Variants in NEDD9 observed in about 807,000 individuals in gnomAD.
NEDD9 encodes the protein neural precursor cell expressed, developmentally down-regulated 9, also known as enhancer of filamentation 1.
NEDD9 carries 26 observed loss-of-function variants against 76.6 expected under a neutral mutation model. The ratio of observed to expected loss-of-function variants is 0.34; its 90% CI spans 0.25 to 0.47. NEDD9 has a LOEUF of 0.47. Ranked by LOEUF, NEDD9 falls within the 20% of genes least tolerant of loss-of-function variation. NEDD9 has a pLI of 1.00. For missense variants in NEDD9, 937 were observed against 1,058.5 expected (o/e 0.89, Z 1.59); for synonymous variants, 392 against 414.2 (o/e 0.95, Z 0.65).
intron 1 of NEDD9, among the ~76,000 whole-genome samples, chr6:11,341,938 T>A (rs766070447): frequency 5.3e-5 from 8 of 152,206 alleles, no homozygotes; most frequent in Non-Finnish European, 7.3e-5. Flanking sequence ...ATATATTAAT[T>A]AATTAGAGAC....
intron 3 of NEDD9, among the ~76,000 whole-genome samples, chr6:11,239,181 T>A (rs937816211): frequency 5.1e-4 from 78 of 151,772 alleles, no homozygotes; most frequent in South Asian, 2.1e-4. Context: ...AAAATAAAAA[T>A]AAAAAAAATC....
chr6:11,243,931 C>T (rs1172916555), intron 3 of NEDD9, among the ~76,000 whole-genome samples: 2 of 152,152 alleles, frequency 1.3e-5, no homozygotes, highest in Non-Finnish European at 2.9e-5. Context: ...CCTGGATAGG[C>T]CATGCATGCT....
At chr6:11,353,559 C>T (rs973271747) in intron 1 of NEDD9, among the ~76,000 whole-genome samples, 21 of 152,170 alleles carry the variant, frequency 1.4e-4, no homozygotes, top group African/African-American at 4.8e-4. Flanking sequence ...GACTGCTGGC[C>T]TCCAGAACTG....
intron 2 of NEDD9, among the ~76,000 whole-genome samples, chr6:11,197,472 C>G (rs1372522753): frequency 1.2e-4 from 18 of 152,114 alleles, no homozygotes; most frequent in Non-Finnish European, 5.9e-5. Context: ...TTTTCTGTCC[C>G]TAGGAGGAAT....
At chr6:11,309,010 C>A (rs1386478153) in intron 2 of NEDD9, among the ~76,000 whole-genome samples, 1 of 152,182 alleles carries the variant, frequency 6.6e-6, no homozygotes, top group East Asian at 1.9e-4. Flanking sequence ...TGCCAGTTGT[C>A]TGTTAACGGT....
At chr6:11,359,474 C>T (rs1762638213) in intron 1 of NEDD9, among the ~76,000 whole-genome samples, 1 of 152,256 alleles carries the variant, frequency 6.6e-6, no homozygotes, top group Non-Finnish European at 1.5e-5. Context: ...CCCTATTTCA[C>T]TAGTTAACTT....
chr6:11,194,457 A>G lies in NEDD9; in HGVS notation c.460-765T>C, dbSNP rs1401957193. ...AAATTCCTCTCATGCCTTCCTCAGT[A>G]TGCCTCTTCATTGGACATTATTATG... On this transcript the variant is annotated intron_variant, in intron 2 of 6. Transcript: ENST00000379446. Among the ~76,000 whole-genome samples, 6 of 152,350 alleles carry G rather than the reference A, an allele frequency of 3.9e-5. No individual in the cohort carries two copies. The East Asian group carries it at 1.2e-3, about 29-fold the overall frequency.
At chr6:11,270,427 C>T (rs961127105) in intron 3 of NEDD9, among the ~76,000 whole-genome samples, 8 of 132,322 alleles carry the variant, frequency 6.0e-5, no homozygotes, top group Middle Eastern at 4.3e-3. Context: ...AGAGTGATTT[C>T]TTGCCCCCGG....
chr6:11,263,093 G>T (rs1444095510), intron 3 of NEDD9, among the ~76,000 whole-genome samples: 1 of 152,046 alleles, frequency 6.6e-6, no homozygotes, highest in Admixed American at 6.5e-5. Flanking sequence ...TTGCATTTTT[G>T]GTTTTGTTTG....
intron 2 of NEDD9, among the ~76,000 whole-genome samples, chr6:11,211,226 T>C (rs1758781796): frequency 6.6e-6 from 1 of 152,184 alleles, no homozygotes; most frequent in African/African-American, 2.4e-5. Context: ...TTGACATCAA[T>C]CCAAGGGAAG....
At chr6:11,300,238 G>A (rs571010825) in intron 3 of NEDD9, among the ~76,000 whole-genome samples, 11 of 152,222 alleles carry the variant, frequency 7.2e-5, no homozygotes, top group South Asian at 4.1e-4. Flanking sequence ...TAGCCTATTC[G>A]ATCAAGTGGA....
At chr6:11,297,834 GC>G (rs1374787087) in intron 3 of NEDD9, among the ~76,000 whole-genome samples, 2 of 151,908 alleles carry the variant, frequency 1.3e-5, no homozygotes, top group African/African-American at 4.8e-5. Flanking sequence ...CTTGTTCAAG[GC>G]CCTATTACTC....
At chr6:11,279,864 C>T (rs899567877) in intron 3 of NEDD9, among the ~76,000 whole-genome samples, 4 of 152,166 alleles carry the variant, frequency 2.6e-5, no homozygotes, top group Admixed American at 6.5e-5. Context: ...CACTGTTTTG[C>T]GTTATCTTAC....
At chr6:11,331,444 T>C (rs1762036202) in intron 2 of NEDD9, among the ~76,000 whole-genome samples, 1 of 152,014 alleles carries the variant, frequency 6.6e-6, no homozygotes, top group African/African-American at 2.4e-5. Context: ...AAGGAAGTAT[T>C]ATATAAAACA....
At chr6:11,274,492 G>A (rs1760377472) in intron 3 of NEDD9, among the ~76,000 whole-genome samples, 1 of 152,150 alleles carries the variant, frequency 6.6e-6, no homozygotes, top group Non-Finnish European at 1.5e-5. Context: ...TGCTCTCTGG[G>A]AGTATTAATG....
chr6:11,309,879 T>C (rs1761314349), intron 2 of NEDD9, among the ~76,000 whole-genome samples: 1 of 152,226 alleles, frequency 6.6e-6, no homozygotes, highest in Non-Finnish European at 1.5e-5. Context: ...ATTTGAAATA[T>C]GGCAGCTAAG....
At position 11,185,082 on chromosome 6, in the gene NEDD9, TAAC is replaced by T; in HGVS notation, c.*77_*79del. 1 of 1,436,492 alleles carries T rather than the reference TAAC, an allele frequency of 7.0e-7. No individual in the cohort carries two copies. The highest frequency in any genetic ancestry group is 9.4e-7 in the Non-Finnish European group (1 of 1,068,538). The allele number at this position is 1,436,492 out of a possible 1,614,324, so 89.0% of individuals were successfully genotyped here. On this transcript the variant is annotated 3_prime_UTR_variant, in exon 7 of 7. Coordinates refer to ENST00000379446, the MANE Select transcript of NEDD9 (RefSeq NM_006403.4). ...TATATAAAATATCTACAAAAATAGA[TAAC>T]ATTTACAAAAACCAGACAGTATTTC...
intron 2 of NEDD9, among the ~76,000 whole-genome samples, chr6:11,316,057 T>A (rs1483227898): frequency 2.6e-5 from 4 of 152,178 alleles, no homozygotes; most frequent in African/African-American, 9.7e-5. Flanking sequence ...TTTTTAGGAA[T>A]CTCCTGGCAG....
chr6:11,276,966 C>A (rs1760430650), intron 3 of NEDD9, among the ~76,000 whole-genome samples: 1 of 152,124 alleles, frequency 6.6e-6, no homozygotes, highest in African/African-American at 2.4e-5. Flanking sequence ...AACAAACAAA[C>A]AAACTAGTGA....
Sources: gnomAD v4.1 joint callset for allele counts (sites outside exome capture counted in the v4.1 genomes callset) on GRCh38, gnomAD v4.1.1 for gene constraint, MANE v1.5 for transcripts, NCBI Gene and HGNC (gene_info 2026-07-23, HGNC 2026-07-21) for gene names.